Variants in SLC10A7 observed in about 807,000 individuals in gnomAD.
SLC10A7 encodes the protein solute carrier family 10 member 7.
SLC10A7 carries 29 observed loss-of-function variants against 43.2 expected under a neutral mutation model. The observed-to-expected ratio is 0.67, with a 90% CI of 0.50 to 0.92. The LOEUF is 0.92. Ranked by LOEUF, SLC10A7 falls within the 40% of genes least tolerant of loss-of-function variation. The probability of loss-of-function intolerance (pLI) is 0.00; values close to 1 mark genes in which losing one functional copy is unlikely to be tolerated. For synonymous variants in SLC10A7, 152 were observed against 144.8 expected (o/e 1.05, Z -0.35); for missense variants, 295 against 403.2 (o/e 0.73, Z 2.30).
intron 5 of SLC10A7, among the ~76,000 whole-genome samples, chr4:146,403,194 A>T (rs1739340985): frequency 6.6e-6 from 1 of 152,164 alleles, no homozygotes; most frequent in Non-Finnish European, 1.5e-5. Flanking sequence ...AGTTAAACTT[A>T]CCCTGCTTGG....
At chr4:146,439,844 T>C (rs1730463837) in intron 5 of SLC10A7, among the ~76,000 whole-genome samples, 1 of 152,314 alleles carries the variant, frequency 6.6e-6, no homozygotes, top group East Asian at 1.9e-4. Context: ...ATATTTTCCA[T>C]TTATAGAGAA....
chr4:146,331,039 T>C (rs1338753131), intron 5 of SLC10A7, among the ~76,000 whole-genome samples: 1 of 152,178 alleles, frequency 6.6e-6, no homozygotes, highest in Non-Finnish European at 1.5e-5. Flanking sequence ...CTCAGGGTTA[T>C]ATTTTAAGAG....
intron 9 of SLC10A7, among the ~76,000 whole-genome samples, chr4:146,289,860 T>C (rs111741636): frequency 0.063 from 9,422 of 150,122 alleles, 402 homozygotes; most frequent in South Asian, 0.2. Flanking sequence ...GGATTACAGG[T>C]GCACGCCACC....
chr4:146,268,039 T>C (rs1728672635), intron 10 of SLC10A7, among the ~76,000 whole-genome samples: 1 of 152,102 alleles, frequency 6.6e-6, no homozygotes, highest in Admixed American at 6.5e-5. Flanking sequence ...GAAAGGAACA[T>C]GTTGAAATCC....
chr4:146,517,164 A>C (rs748631772), intron 1 of SLC10A7, 44 bp from the exon 2 acceptor site: 2 of 1,480,760 alleles, frequency 1.4e-6, no homozygotes, highest in East Asian at 4.6e-5. Flanking sequence ...GAATTTCAGT[A>C]GATAACTTGG....
intron 4 of SLC10A7, among the ~76,000 whole-genome samples, chr4:146,448,539 T>C (rs1001029407): frequency 6.6e-6 from 1 of 152,140 alleles, no homozygotes; most frequent in Non-Finnish European, 1.5e-5. Flanking sequence ...AACACCCCTC[T>C]TTTTCCTTCC....
chr4:146,514,277 C>T (rs1391361777), intron 2 of SLC10A7: 1 of 152,230 alleles, frequency 6.6e-6, no homozygotes, highest in African/African-American at 2.4e-5. Flanking sequence ...TTCTCAGCCC[C>T]TAAGTCTCCT....
At chr4:146,440,632 CAT>C (rs1344064023) in intron 5 of SLC10A7, among the ~76,000 whole-genome samples, 10 of 152,212 alleles carry the variant, frequency 6.6e-5, no homozygotes, top group South Asian at 2.1e-4. Flanking sequence ...ACAGTTTACA[CAT>C]GTTTCATAAT....
At chr4:146,356,909 T>G (rs1286473750) in intron 5 of SLC10A7, among the ~76,000 whole-genome samples, 2 of 152,184 alleles carry the variant, frequency 1.3e-5, no homozygotes, top group Non-Finnish European at 2.9e-5. Context: ...TATACCTGGA[T>G]TAATTTCAAA....
intron 3 of SLC10A7, among the ~76,000 whole-genome samples, chr4:146,507,446 G>C (rs2150038986): frequency 6.6e-6 from 1 of 152,272 alleles, no homozygotes; most frequent in South Asian, 2.1e-4. Context: ...TGTAATCCCA[G>C]CTACTCAGGA....
chr4:146,292,435 T>C (rs986227127), intron 9 of SLC10A7, among the ~76,000 whole-genome samples: 6 of 151,766 alleles, frequency 4.0e-5, no homozygotes, highest in Non-Finnish European at 8.8e-5. Context: ...AAAAAAATGA[T>C]GTGAAGGATT....
chr4:146,399,041 G>A (rs979826577), intron 5 of SLC10A7, among the ~76,000 whole-genome samples: 2 of 152,122 alleles, frequency 1.3e-5, no homozygotes, highest in African/African-American at 2.4e-5. Flanking sequence ...GAATAAACAG[G>A]GTAATGTGAT....
At chr4:146,275,683 A>G (rs1578761325) in intron 10 of SLC10A7, among the ~76,000 whole-genome samples, 1 of 152,316 alleles carries the variant, frequency 6.6e-6, no homozygotes, top group Admixed American at 6.5e-5. Flanking sequence ...ATTCCAGCAG[A>G]CAAGGCCAAA....
chr4:146,447,266 T>G (rs1268016870), intron 4 of SLC10A7, among the ~76,000 whole-genome samples: 1 of 152,154 alleles, frequency 6.6e-6, no homozygotes, highest in Non-Finnish European at 1.5e-5. Flanking sequence ...CCACCATGCC[T>G]AGCTAGAATT....
In SLC10A7 at chr4:146,300,597, A is replaced by ATT. The variant is rs1330977493; in HGVS notation, c.555+5328_555+5329insAA. ...ACCTGAGGATCATGCAGCAGCACTTATATAATAACATCTACTCAGATGTGT... is the reference window on the plus strand; with the variant it reads ...ACCTGAGGATCATGCAGCAGCACTTATTTATAATAACATCTACTCAGATGTGT... On this transcript the variant is annotated intron_variant, in intron 7 of 11. Transcript: ENST00000335472. Among the ~76,000 whole-genome samples, 4 of 152,304 alleles carry ATT rather than the reference A, an allele frequency of 2.6e-5. No individual in the cohort carries two copies. The East Asian group carries it at 7.7e-4, about 29-fold the overall frequency.
intron 5 of SLC10A7, among the ~76,000 whole-genome samples, chr4:146,330,283 T>C (rs1043756299): frequency 6.6e-6 from 1 of 151,862 alleles, no homozygotes; most frequent in African/African-American, 2.4e-5. Context: ...CAATAGGACA[T>C]GCAAAAAAAA....
At chr4:146,298,269 C>T (rs999447865) in intron 7 of SLC10A7, among the ~76,000 whole-genome samples, 1 of 152,198 alleles carries the variant, frequency 6.6e-6, no homozygotes, top group Non-Finnish European at 1.5e-5. Context: ...ATGTCCAAGT[C>T]TCAGTTTGAT....
At chr4:146,346,126 T>C (rs920661124) in intron 5 of SLC10A7, among the ~76,000 whole-genome samples, 1 of 152,178 alleles carries the variant, frequency 6.6e-6, no homozygotes, top group Non-Finnish European at 1.5e-5. Flanking sequence ...TTTATAAGGT[T>C]GGAATTCAAA....
chr4:146,410,872 C>T (rs916599703), intron 5 of SLC10A7, among the ~76,000 whole-genome samples: 1 of 152,076 alleles, frequency 6.6e-6, no homozygotes, highest in Non-Finnish European at 1.5e-5. Flanking sequence ...CTTGCTCTGT[C>T]ACCCAGGCTG....
Sources: gnomAD v4.1 joint callset for allele counts (sites outside exome capture counted in the v4.1 genomes callset) on GRCh38, gnomAD v4.1.1 for gene constraint, MANE v1.5 for transcripts, NCBI Gene and HGNC (gene_info 2026-07-23, HGNC 2026-07-21) for gene names.